The following HHAT variants were observed in gnomAD, a reference collection of about 807,000 sequenced individuals.
The protein encoded by HHAT is hedgehog acyltransferase.
In HHAT, 47 loss-of-function variants were observed where a neutral mutation model predicts 70.8. That is an observed-to-expected ratio of 0.66 (90% CI 0.53 to 0.85). The LOEUF (loss-of-function observed/expected upper bound fraction) is 0.85, where lower values mean the gene tolerates loss of function less well. Ranked by LOEUF, HHAT falls within the 40% of genes least tolerant of loss-of-function variation. The pLI is 0.00. For missense variants in HHAT, 609 were observed against 604.8 expected (o/e 1.01, Z -0.07); for synonymous variants, 228 against 247.6 (o/e 0.92, Z 0.74).
At position 210,348,903 on chromosome 1, in the gene HHAT, A is replaced by G. The variant is rs1264954757; in HGVS notation, c.-43-30A>G. 4 of 1,587,232 alleles carry G rather than the reference A, an allele frequency of 2.5e-6. No individual in the cohort carries two copies. The East Asian group carries it at 6.7e-5, about 27-fold the overall frequency. ...GATGCTGTTCTCTAGTGTCATGTTCATGGCTTAAAGTTTTGTCTCTGTTTC... is the reference window on the plus strand; with the variant it reads ...GATGCTGTTCTCTAGTGTCATGTTCGTGGCTTAAAGTTTTGTCTCTGTTTC... On this transcript the variant is annotated intron_variant, in intron 1 of 11. Coordinates refer to ENST00000261458, the MANE Select transcript of HHAT (RefSeq NM_018194.6).
At chr1:210,460,964 A>G (rs754466181) in intron 7 of HHAT, among the ~76,000 whole-genome samples, 1 of 152,214 alleles carries the variant, frequency 6.6e-6, no homozygotes, top group Non-Finnish European at 1.5e-5. Context: ...GAACTCATAT[A>G]TGGCTTTTTT....
rs1396527034 is a variant in HHAT at position 210,577,655 on chromosome 1, TTTTTTTTTTC to T, written c.1044-10242_1044-10233del. Among the ~76,000 whole-genome samples the T allele has an allele frequency of 2.1e-3, 268 of 129,234 alleles. 7 individuals carry two copies. Among genetic ancestry groups the T allele is most frequent in the African/African-American group, 7.0e-3 (215 of 30,806 alleles). The allele number at this position is 129,234 out of a possible 152,430, so 84.8% of individuals were successfully genotyped here. ...CTGTAGGATTTTTTTTTTTTTTTTT[TTTTTTTTTTC>T]GAAATGGAGTCTCACTCTGTCACCC... On this transcript the variant is annotated intron_variant, in intron 9 of 11. Transcript: ENST00000261458.
At chr1:210,368,404 GC>G (rs1302568080) in intron 3 of HHAT, among the ~76,000 whole-genome samples, 4 of 152,114 alleles carry the variant, frequency 2.6e-5, no homozygotes, top group Non-Finnish European at 5.9e-5. Flanking sequence ...TGATTCTCTT[GC>G]CTCAGCCTCC....
intron 9 of HHAT, among the ~76,000 whole-genome samples, chr1:210,560,993 A>G (rs534700421): frequency 4.1e-4 from 63 of 152,262 alleles, no homozygotes; most frequent in African/African-American, 1.3e-3. Flanking sequence ...AGTATCTATG[A>G]GGTTCTTTGA....
chr1:210,672,238 C>T (rs1478027048), intron 11 of HHAT, among the ~76,000 whole-genome samples: 2 of 152,240 alleles, frequency 1.3e-5, no homozygotes, highest in East Asian at 3.8e-4. Flanking sequence ...GCTACAGTGA[C>T]TTCCCCATGC....
intron 1 of HHAT, among the ~76,000 whole-genome samples, chr1:210,336,280 C>G (rs2085476655): frequency 3.4e-5 from 3 of 88,254 alleles, no homozygotes; most frequent in Non-Finnish European, 7.3e-5. Flanking sequence ...ACCACTGTGC[C>G]TGGCTAATTT....
At chr1:210,414,706 T>C (rs762608075) in intron 6 of HHAT, among the ~76,000 whole-genome samples, 1 of 152,130 alleles carries the variant, frequency 6.6e-6, no homozygotes, top group Non-Finnish European at 1.5e-5. Context: ...ATCACATTAC[T>C]TTTTCTCTGA....
intron 9 of HHAT, among the ~76,000 whole-genome samples, chr1:210,542,579 CT>C (rs2095442141): frequency 6.6e-6 from 1 of 151,746 alleles, no homozygotes; most frequent in African/African-American, 2.4e-5. Context: ...GGGAGGATTG[CT>C]TGAGGCCAGG....
chr1:210,601,149 GT>G (rs1664177414), intron 10 of HHAT, among the ~76,000 whole-genome samples: 1 of 152,110 alleles, frequency 6.6e-6, no homozygotes, highest in Non-Finnish European at 1.5e-5. Context: ...TATTGGCCAT[GT>G]TGATTAGTTT....
intron 1 of HHAT, among the ~76,000 whole-genome samples, chr1:210,334,177 C>CTTTTTTTTTTTTTTTTTTT (rs1342123521): frequency 1.7e-4 from 6 of 34,546 alleles, no homozygotes; most frequent in African/African-American, 4.9e-4. Flanking sequence ...TTTAGCGTGT[C>CTTTTTTTTTTTTTTTTTTT]ATTTTTTTTT....
intron 8 of HHAT, among the ~76,000 whole-genome samples, chr1:210,481,728 T>G (rs1290430984): frequency 6.6e-6 from 1 of 152,208 alleles, no homozygotes. Flanking sequence ...AGTATTGATT[T>G]TAAGGTTACA....
chr1:210,640,882 A>G (rs917514495), intron 11 of HHAT, among the ~76,000 whole-genome samples: 1 of 152,188 alleles, frequency 6.6e-6, no homozygotes, highest in African/African-American at 2.4e-5. Flanking sequence ...TATAGATTGA[A>G]CTAGAATTCA....
intron 10 of HHAT, among the ~76,000 whole-genome samples, chr1:210,597,711 G>A (rs1027536243): frequency 3.3e-5 from 5 of 149,796 alleles, no homozygotes; most frequent in African/African-American, 1.3e-4. Flanking sequence ...CCAAGCCTGG[G>A]TCCTTCCTTT....
intron 1 of HHAT, among the ~76,000 whole-genome samples, chr1:210,332,101 G>A (rs1415929731): frequency 6.6e-6 from 1 of 152,170 alleles, no homozygotes; most frequent in Non-Finnish European, 1.5e-5. Context: ...CTTAAGTTCA[G>A]GTGACATTTT....
chr1:210,480,738 T>C (rs2148485231), intron 8 of HHAT, among the ~76,000 whole-genome samples: 1 of 152,306 alleles, frequency 6.6e-6, no homozygotes, highest in East Asian at 1.9e-4. Flanking sequence ...CCATCCAGCC[T>C]CTGCTTCCCT....
At chr1:210,637,372 C>T (rs972858715) in intron 11 of HHAT, among the ~76,000 whole-genome samples, 4 of 152,094 alleles carry the variant, frequency 2.6e-5, no homozygotes, top group Admixed American at 6.5e-5. Context: ...TCAGATATGA[C>T]ACCAAAGATA....
At chr1:210,364,165 T>C (rs556981458) in intron 3 of HHAT, among the ~76,000 whole-genome samples, 1 of 152,226 alleles carries the variant, frequency 6.6e-6, no homozygotes, top group Non-Finnish European at 1.5e-5. Flanking sequence ...GATGCTTCCA[T>C]GAAAACTTAG....
intron 9 of HHAT, among the ~76,000 whole-genome samples, chr1:210,562,700 A>G (rs2095634780): frequency 6.6e-6 from 1 of 151,262 alleles, no homozygotes; most frequent in African/African-American, 2.4e-5. Flanking sequence ...ACATGTGCAC[A>G]ATGTGCAGGT....
chr1:210,410,761 A>C (rs1351044622), intron 6 of HHAT, among the ~76,000 whole-genome samples: 2 of 148,518 alleles, frequency 1.3e-5, no homozygotes, highest in African/African-American at 5.0e-5. Flanking sequence ...CCTGACCTCA[A>C]GTGATCCGCC....
Sources: gnomAD v4.1 joint callset for allele counts (sites outside exome capture counted in the v4.1 genomes callset) on GRCh38, gnomAD v4.1.1 for gene constraint, MANE v1.5 for transcripts, NCBI Gene and HGNC (gene_info 2026-07-23, HGNC 2026-07-21) for gene names.